TRPV4: variants seen among roughly 807,000 people sequenced by gnomAD.
The protein encoded by TRPV4 is OSM9-like transient receptor potential channel 4.
In TRPV4, 58 loss-of-function variants were observed where a neutral mutation model predicts 84.1. The observed-to-expected ratio is 0.69, with a 90% confidence interval of 0.56 to 0.86. TRPV4 has a LOEUF of 0.86. Among genes scored for constraint, TRPV4 ranks in the 40% least tolerant of loss-of-function variants. The probability of loss-of-function intolerance (pLI) is 0.00; values close to 1 mark genes in which losing one functional copy is unlikely to be tolerated. For missense variants in TRPV4, 879 were observed against 1,181.1 expected (o/e 0.74, Z 3.75); for synonymous variants, 489 against 500.9 (o/e 0.98, Z 0.32).
rs981076201 is a variant in TRPV4, at chr12:109,815,894, T to C, written c.-31-1067A>G. Among the ~76,000 whole-genome samples the C allele has an allele frequency of 8.5e-5, 13 of 152,170 alleles. No individual in the cohort carries two copies. Among genetic ancestry groups the C allele is most frequent in the African/African-American group, 2.7e-4 (11 of 41,450 alleles). On this transcript the variant is annotated intron_variant, in intron 1 of 15. Coordinates refer to ENST00000261740, the MANE Select transcript of TRPV4 (RefSeq NM_021625.5). This position sits in a 1 kb window ranked among gnomAD's most constrained non-coding sequence, Gnocchi z 4.1. ...GAACCATGTCTCTCTGGCTCCCGGGTCCAGTGCTTAGCCAGGAGCCAGGGC... is the reference window on the plus strand; with the variant it reads ...GAACCATGTCTCTCTGGCTCCCGGGCCCAGTGCTTAGCCAGGAGCCAGGGC...
chr12:109,796,056 A>G lies in TRPV4; in HGVS notation c.1332+469T>C, dbSNP rs12578908. 0.13 allele frequency among the ~76,000 whole-genome samples: 19,208 copies of G among 151,994 alleles called. 1,551 individuals carry two copies. Among genetic ancestry groups the G allele is most frequent in the African/African-American group, 0.22 (9,123 of 41,370 alleles). On this transcript the variant is annotated intron_variant, in intron 7 of 15. Transcript: ENST00000261740. This position sits in a 1 kb window ranked among gnomAD's most constrained non-coding sequence, Gnocchi z 4.2. ...TTACAGGCATAAGCCACCATGCCTGACCGAAAAAAAAGAGCTTTCAAAAGT... is the reference window on the plus strand; with the variant it reads ...TTACAGGCATAAGCCACCATGCCTGGCCGAAAAAAAAGAGCTTTCAAAAGT...
chr12:109,814,933 G>T lies in TRPV4; in HGVS notation c.-31-106C>A. 1 of 1,131,070 alleles carries T rather than the reference G, an allele frequency of 8.8e-7. No individual in the cohort carries two copies. The highest frequency in any genetic ancestry group is 1.2e-6 in the Non-Finnish European group (1 of 802,758). 70.1% of individuals were successfully genotyped at this position (1,131,070 alleles called of 1,614,324 possible). ...CAGCAGTGCTGCCAGCTGCTTCAAA[G>T]CCACCGTTGTAATGACAGGGGCACA... On this transcript the variant is annotated intron_variant, in intron 1 of 15. Transcript: ENST00000261740. This position sits in a 1 kb window ranked among gnomAD's most constrained non-coding sequence, Gnocchi z 5.4.
intron 1 of TRPV4, among the ~76,000 whole-genome samples, chr12:109,821,869 C>T (rs1316986277): frequency 3.3e-5 from 5 of 152,124 alleles, no homozygotes; most frequent in Admixed American, 2.0e-4. Context: ...CTCTTCACCT[C>T]CAGAGTTTTA....
intron 1 of TRPV4, among the ~76,000 whole-genome samples, chr12:109,823,655 G>A (rs1376811688): frequency 6.6e-6 from 1 of 152,156 alleles, no homozygotes. Context: ...GGCTGGGAGT[G>A]GGGAGTGGTG....
chr12:109,806,561 G>T (rs1891144325), intron 3 of TRPV4, among the ~76,000 whole-genome samples: 1 of 151,372 alleles, frequency 6.6e-6, no homozygotes, highest in South Asian at 2.1e-4. Context: ...TTCAGGGTAA[G>T]AATGAGGTTG....
intron 2 of TRPV4, among the ~76,000 whole-genome samples, chr12:109,808,806 T>C (rs1249996034): frequency 1.5e-5 from 2 of 137,930 alleles, no homozygotes; most frequent in African/African-American, 5.9e-5. Context: ...ATCCACCCAC[T>C]CATCCATCTA....
At chr12:109,784,840 C>CAA (rs11443576) in intron 14 of TRPV4, among the ~76,000 whole-genome samples, 964 of 83,742 alleles carry the variant, frequency 0.012, 56 homozygotes, top group African/African-American at 0.044. Context: ...GACTCCATCT[C>CAA]AAAAAAAAAA....
At chr12:109,806,917 T>C (rs902611657) in intron 3 of TRPV4, among the ~76,000 whole-genome samples, 1 of 148,584 alleles carries the variant, frequency 6.7e-6, no homozygotes. Flanking sequence ...ATGTGGATGA[T>C]GTAGCACAGA....
intron 11 of TRPV4, 107 bp downstream of exon 11, chr12:109,792,545 C>T: frequency 6.3e-7 from 1 of 1,578,490 alleles, no homozygotes. Context: ...CCTCCTGCCC[C>T]CACGGTACCC....
chr12:109,830,174 A>G lies in TRPV4; in HGVS notation c.-32+3176T>C, dbSNP rs138200187. Among the ~76,000 whole-genome samples, 512 of 152,136 alleles carry G rather than the reference A, an allele frequency of 3.4e-3. 5 individuals carry two copies. Among genetic ancestry groups the G allele is most frequent in the African/African-American group, 0.01 (434 of 41,506 alleles). ...CTCCCCCATGACCCCAGGCACCCCA[A>G]TGAGGGTCCAGACAAATGGGGACGG... On this transcript the variant is annotated intron_variant, in intron 1 of 15. Coordinates refer to ENST00000261740, the MANE Select transcript of TRPV4 (RefSeq NM_021625.5).
chr12:109,830,235 C>T (rs1892375822), intron 1 of TRPV4, among the ~76,000 whole-genome samples: 1 of 152,328 alleles, frequency 6.6e-6, no homozygotes, highest in African/African-American at 2.4e-5. Context: ...TTTGCAATCA[C>T]ACAAATGGGA....
At position 109,783,949 on chromosome 12, in the gene TRPV4, C is replaced by G. The variant is rs1024517167; in HGVS notation, c.2459-171G>C. 1.8e-4 allele frequency among the ~76,000 whole-genome samples: 28 copies of G among 152,086 alleles called. No individual in the cohort carries two copies. Among genetic ancestry groups the G allele is most frequent in the African/African-American group, 6.8e-4 (28 of 41,394 alleles). On this transcript the variant is annotated intron_variant, in intron 15 of 15. Coordinates refer to ENST00000261740, the MANE Select transcript of TRPV4 (RefSeq NM_021625.5). This position sits in a 1 kb window ranked among gnomAD's most constrained non-coding sequence, Gnocchi z 4.6. ...GCTCAAGAGAGGTCAAGGTGCCTCC[C>G]CAGGAGAGAATGGAGGAACCAGGAT...
chr12:109,802,870 T>C (rs1341931713), intron 4 of TRPV4, 121 bp downstream of exon 4: 5 of 953,378 alleles, frequency 5.2e-6, no homozygotes, highest in Admixed American at 1.9e-5. Flanking sequence ...ATCCATCCAT[T>C]TGTCAGGTCC....
chr12:109,812,250 C>T lies in TRPV4; in HGVS notation c.386+2161G>A, dbSNP rs561712721. On this transcript the variant is annotated intron_variant, in intron 2 of 15. Coordinates refer to ENST00000261740, the MANE Select transcript of TRPV4 (RefSeq NM_021625.5). ...ACAAGGTGGTCAAGGGGGCTGGAGGCTCCCTGTCCCCAGCTAGGCCTGGCA... is the reference window on the plus strand; with the variant it reads ...ACAAGGTGGTCAAGGGGGCTGGAGGTTCCCTGTCCCCAGCTAGGCCTGGCA... Among the ~76,000 whole-genome samples, 6 of 152,324 alleles carry T rather than the reference C, an allele frequency of 3.9e-5. No homozygotes were observed. In the South Asian group the frequency reaches 1.0e-3, roughly 26 times the overall value.
At chr12:109,809,637 C>A (rs117846305) in intron 2 of TRPV4, among the ~76,000 whole-genome samples, 12 of 149,444 alleles carry the variant, frequency 8.0e-5, no homozygotes, top group African/African-American at 2.5e-4. Flanking sequence ...ATCCATCTGC[C>A]TATCCACCCA....
At chr12:109,803,351 A>T (rs1364745680) in intron 3 of TRPV4, among the ~76,000 whole-genome samples, 1 of 152,196 alleles carries the variant, frequency 6.6e-6, no homozygotes, top group Non-Finnish European at 1.5e-5. Flanking sequence ...CAATAAACGC[A>T]TGGGGTTAGG....
chr12:109,791,519 G>A (rs147198899), intron 12 of TRPV4, among the ~76,000 whole-genome samples: 2,624 of 131,170 alleles, frequency 0.02, 37 homozygotes, highest in Non-Finnish European at 0.03. Context: ...GTCTCGCTGT[G>A]TTGCCCAGGC....
In TRPV4 at chr12:109,798,982, C is replaced by G. The variant is rs941394250; in HGVS notation, c.854-70G>C. On this transcript the variant is annotated intron_variant, in intron 5 of 15. Coordinates refer to ENST00000261740, the MANE Select transcript of TRPV4 (RefSeq NM_021625.5). This position sits in a 1 kb window ranked among gnomAD's most constrained non-coding sequence, Gnocchi z 5.0. Reference sequence around the variant, plus strand: ...GGGTGGGACTCTGCCTGCAGACACTCGGGGGACGGACACCGTGGCGCTCTG... The same window carrying G: ...GGGTGGGACTCTGCCTGCAGACACTGGGGGGACGGACACCGTGGCGCTCTG... 6 of 1,458,146 alleles carry G rather than the reference C, an allele frequency of 4.1e-6. No individual in the cohort carries two copies. The Admixed American group carries it at 1.0e-4, about 25-fold the overall frequency. The allele number at this position is 1,458,146 out of a possible 1,614,324, so 90.3% of individuals were successfully genotyped here. A position where few individuals can be genotyped will look rare whatever the true frequency, so the allele number is the denominator to read the frequency against.
intron 1 of TRPV4, among the ~76,000 whole-genome samples, chr12:109,816,452 G>C (rs758258475): frequency 6.6e-5 from 10 of 152,154 alleles, no homozygotes; most frequent in Non-Finnish European, 1.3e-4. Flanking sequence ...GGGAAGTGAG[G>C]TCAGATATAT....
Sources: gnomAD v4.1 joint callset for allele counts (sites outside exome capture counted in the v4.1 genomes callset) on GRCh38, gnomAD v4.1.1 for gene constraint, Gnocchi (gnomAD v3.1) non-coding constraint, MANE v1.5 for transcripts, NCBI Gene and HGNC (gene_info 2026-07-23, HGNC 2026-07-21) for gene names.